The following ISM1 variants were observed in gnomAD, a reference collection of about 807,000 sequenced individuals.
ISM1 encodes isthmin-1.
In ISM1, 25 loss-of-function variants were observed where a neutral mutation model predicts 46.3. The ratio of observed to expected loss-of-function variants is 0.54; its 90% confidence interval spans 0.39 to 0.75. The LOEUF (loss-of-function observed/expected upper bound fraction) is 0.75, where lower values mean the gene tolerates loss of function less well. ISM1 is among the 30% of genes least tolerant of loss of function. The pLI, the probability that ISM1 is intolerant of heterozygous loss-of-function variation, is 0.00. For missense variants in ISM1, 536 were observed against 625.4 expected, an observed-to-expected ratio of 0.86 and a Z score of 1.52; for synonymous variants, 255 against 256.7, an observed-to-expected ratio of 0.99 and a Z score of 0.06.
intron 2 of ISM1, among the ~76,000 whole-genome samples, chr20:13,275,088 T>C (rs983673206): frequency 6.6e-6 from 1 of 152,230 alleles, no homozygotes; most frequent in Non-Finnish European, 1.5e-5. Context: ...GCTTACTACA[T>C]TGGTTCATTA....
Position 13,221,348 on chromosome 20 carries a change from C to T in ISM1, c.-429C>T, listed in dbSNP as rs1455257607. ...GGCGCCGCGGCCACATCTGGGGCGCCCATGTGCGCTCGGGGGCTCGGCTGC... is the reference window on the plus strand; with the variant it reads ...GGCGCCGCGGCCACATCTGGGGCGCTCATGTGCGCTCGGGGGCTCGGCTGC... On this transcript the variant is annotated 5_prime_UTR_variant, in exon 1 of 6. Transcript: ENST00000262487. Among the ~76,000 whole-genome samples the T allele has an allele frequency of 6.7e-6, 1 of 148,354 alleles. No individual in the cohort carries two copies. The highest frequency in any genetic ancestry group is 1.5e-5 in the Non-Finnish European group (1 of 66,212).
At chr20:13,247,751 G>C (rs1230527097) in intron 1 of ISM1, among the ~76,000 whole-genome samples, 1 of 152,158 alleles carries the variant, frequency 6.6e-6, no homozygotes, top group Non-Finnish European at 1.5e-5. Flanking sequence ...ACCACGACAG[G>C]AAGTGACTTA....
intron 1 of ISM1, among the ~76,000 whole-genome samples, chr20:13,225,862 TAAAAC>T (rs1352058295): frequency 6.6e-6 from 1 of 152,150 alleles, no homozygotes; most frequent in East Asian, 1.9e-4. Context: ...ATGTTAATGA[TAAAAC>T]ATACATAGAT....
At chr20:13,226,092 T>C (rs2039521696) in intron 1 of ISM1, among the ~76,000 whole-genome samples, 1 of 152,226 alleles carries the variant, frequency 6.6e-6, no homozygotes, top group African/African-American at 2.4e-5. Context: ...GCAAGTATTA[T>C]AAAACACCAA....
rs755955610 is a variant in ISM1, at chr20:13,299,306, C to T, written c.1242C>T (p.Leu414=). ...NLISTEFSAE[L]HYKVDVLPWI... ...TCAGCACCGAGTTCTCCGCGGAGCTCCACTACAAGGTGGACGTCCTGCCCT... is the reference window on the plus strand; with the variant it reads ...TCAGCACCGAGTTCTCCGCGGAGCTTCACTACAAGGTGGACGTCCTGCCCT... Residue 414 remains leucine, a synonymous_variant, in exon 6 of 6, where the codon CTC becomes CTT. Transcript: ENST00000262487. The surrounding 1 kb of genome is among the most constrained non-coding windows in gnomAD (Gnocchi z 5.8). 3.7e-6 allele frequency: 6 copies of T among 1,613,620 alleles called. No individual in the cohort carries two copies. In the Admixed American group the frequency reaches 1.0e-4, roughly 27 times the overall value.
intron 1 of ISM1, among the ~76,000 whole-genome samples, chr20:13,248,984 G>C (rs763851106): frequency 6.6e-6 from 1 of 152,208 alleles, no homozygotes; most frequent in Non-Finnish European, 1.5e-5. Context: ...AGAAAAAGCT[G>C]TTTATCTTTA....
At chr20:13,249,416 C>G (rs1049024874) in intron 1 of ISM1, among the ~76,000 whole-genome samples, 2 of 152,216 alleles carry the variant, frequency 1.3e-5, no homozygotes, top group African/African-American at 4.8e-5. Context: ...CTTCCGTGCC[C>G]CAGGTGGACA....
At chr20:13,258,030 C>T (rs767054516) in intron 1 of ISM1, among the ~76,000 whole-genome samples, 7 of 152,114 alleles carry the variant, frequency 4.6e-5, no homozygotes, top group Non-Finnish European at 1.0e-4. Flanking sequence ...CTCATGTCTA[C>T]CTCACATGGA....
intron 5 of ISM1, among the ~76,000 whole-genome samples, chr20:13,297,328 C>T (rs2040416483): frequency 6.6e-6 from 1 of 152,124 alleles, no homozygotes; most frequent in South Asian, 2.1e-4. Flanking sequence ...TGCGGTTTCC[C>T]AGATCCCAGT....
At chr20:13,308,982 C>CA in the ISM1 span, among the ~76,000 whole-genome samples, 1 of 152,192 alleles carries the variant, frequency 6.6e-6, no homozygotes, top group Non-Finnish European at 1.5e-5. Context: ...ACCTTGATCT[C>CA]AGACTTCCAG....
At chr20:13,289,799 G>T (rs1384972430) in intron 4 of ISM1, among the ~76,000 whole-genome samples, 2 of 152,128 alleles carry the variant, frequency 1.3e-5, no homozygotes, top group Non-Finnish European at 2.9e-5. Flanking sequence ...GTCTTACTGT[G>T]TATTTCCCAT....
intron 4 of ISM1, among the ~76,000 whole-genome samples, chr20:13,290,974 C>T (rs997136538): frequency 3.3e-5 from 5 of 152,188 alleles, no homozygotes; most frequent in Non-Finnish European, 5.9e-5. Context: ...ACTCTTTGGT[C>T]TTTACCAAGA....
chr20:13,228,973 C>T (rs2039558753), intron 1 of ISM1, among the ~76,000 whole-genome samples: 1 of 152,160 alleles, frequency 6.6e-6, no homozygotes, highest in Admixed American at 6.6e-5. Flanking sequence ...AACTCAACCA[C>T]TCTGAAACCC....
the ISM1 span, among the ~76,000 whole-genome samples, chr20:13,314,816 T>C: frequency 6.6e-6 from 1 of 152,110 alleles, no homozygotes; most frequent in Non-Finnish European, 1.5e-5. Flanking sequence ...TATGCACATA[T>C]CTATATCTAT....
At chr20:13,317,836 AG>A in the ISM1 span, among the ~76,000 whole-genome samples, 1 of 152,152 alleles carries the variant, frequency 6.6e-6, no homozygotes, top group Non-Finnish European at 1.5e-5. Flanking sequence ...ATTATCTAAA[AG>A]TCCTAGAAGA....
At chr20:13,311,034 A>G in the ISM1 span, among the ~76,000 whole-genome samples, 1 of 152,140 alleles carries the variant, frequency 6.6e-6, no homozygotes, top group Non-Finnish European at 1.5e-5. Flanking sequence ...TCTCTACTGA[A>G]AATACAAAAA....
At chr20:13,228,202 A>G (rs1298264770) in intron 1 of ISM1, among the ~76,000 whole-genome samples, 3 of 151,296 alleles carry the variant, frequency 2.0e-5, no homozygotes, top group Non-Finnish European at 4.4e-5. Context: ...CGAACTCTTC[A>G]TCTCAGGTGA....
At chr20:13,266,568 G>T (rs2123237145) in intron 1 of ISM1, among the ~76,000 whole-genome samples, 1 of 152,214 alleles carries the variant, frequency 6.6e-6, no homozygotes, top group East Asian at 1.9e-4. Flanking sequence ...TTAACTCATT[G>T]TCGATGTTAA....
At chr20:13,302,312 C>T (rs75407147), downstream of ISM1, among the ~76,000 whole-genome samples, 15 of 152,174 alleles carry the variant, frequency 9.9e-5, no homozygotes, top group Non-Finnish European at 1.8e-4. Flanking sequence ...ACTGAGAACA[C>T]CCTGGTCTCC....
Sources: gnomAD v4.1 joint callset for allele counts (sites outside exome capture counted in the v4.1 genomes callset) on GRCh38, gnomAD v4.1.1 for gene constraint, Gnocchi (gnomAD v3.1) non-coding constraint, MANE v1.5 for transcripts, NCBI Gene and HGNC (gene_info 2026-07-23, HGNC 2026-07-21) for gene names.